Variants in SDS observed in about 807,000 individuals in gnomAD.
The protein encoded by SDS is serine dehydratase.
A neutral mutation model predicts 29.3 loss-of-function variants in SDS; 19 were observed. The ratio of observed to expected loss-of-function variants is 0.65; its 90% CI spans 0.45 to 0.95. The LOEUF is 0.95. SDS is among the 40% of genes least tolerant of loss of function. SDS has a pLI of 0.00. For missense variants in SDS, 375 were observed against 439.9 expected, an observed-to-expected ratio of 0.85 and a Z score of 1.32; for synonymous variants, 176 against 189.0, an observed-to-expected ratio of 0.93 and a Z score of 0.56.
At chr12:113,396,451 CTCTT>C (rs199848757) in intron 6 of SDS, among the ~76,000 whole-genome samples, 2,514 of 143,442 alleles carry the variant, frequency 0.018, 108 homozygotes, top group African/African-American at 0.061. Context: ...TTTTCTTTCT[CTCTT>C]TCTCTTTCTC....
chr12:113,403,252 C>T (rs553405353), intron 1 of SDS, among the ~76,000 whole-genome samples: 137 of 152,124 alleles, frequency 9.0e-4, no homozygotes, highest in Non-Finnish European at 1.6e-3. Context: ...TCAGCCTTCC[C>T]AGTAGCTGGG....
intron 7 of SDS, among the ~76,000 whole-genome samples, chr12:113,393,516 G>GCCCATCCCT (rs1290185335): frequency 9.2e-5 from 14 of 152,168 alleles, no homozygotes; most frequent in African/African-American, 3.4e-4. Flanking sequence ...CCCTGCCCTA[G>GCCCATCCCT]ACGGAACCCA....
intron 2 of SDS, 25 bp from the exon 3 acceptor site, chr12:113,399,176 T>C: frequency 6.2e-7 from 1 of 1,613,106 alleles, no homozygotes; most frequent in Non-Finnish European, 8.5e-7. Context: ...GGAGAGGCAC[T>C]CAGGCCCACC....
chr12:113,399,527 G>C, intron 2 of SDS, 29 bp downstream of exon 2: 1 of 1,520,850 alleles, frequency 6.6e-7, no homozygotes, highest in Non-Finnish European at 8.8e-7. Flanking sequence ...TGCCACCCCT[G>C]CCCAGATAAT....
Position 113,396,534 on chromosome 12 carries a change from C to T in SDS, c.653+631G>A, listed in dbSNP as rs1403192451. 5.2e-4 allele frequency: 55 copies of T among 105,572 alleles called. 2 individuals are homozygous for T. The highest frequency in any genetic ancestry group is 2.0e-3 in the African/African-American group (55 of 27,318). 6.5% of individuals were successfully genotyped at this position (105,572 alleles called of 1,614,324 possible). A position where few individuals can be genotyped will look rare whatever the true frequency, so the allele number is the denominator to read the frequency against. On this transcript the variant is annotated intron_variant, in intron 6 of 7. Transcript: ENST00000257549. ...CTTCCTTCCTTCTTTCCCTCCCTCC[C>T]TCCCTCTCTCCCTTCCTTCCTTCCT... is the stretch of plus-strand genomic sequence containing the variant.
Position 113,399,254 on chromosome 12 carries a change from G to T in SDS, c.154-103C>A. 8.0e-6 allele frequency: 10 copies of T among 1,250,786 alleles called. No individual in the cohort carries two copies. The South Asian group carries it at 1.0e-4, about 13-fold the overall frequency. The allele number at this position is 1,250,786 out of a possible 1,614,324, so 77.5% of individuals were successfully genotyped here. A position where few individuals can be genotyped will look rare whatever the true frequency, so the allele number is the denominator to read the frequency against. ...TGCCAGGATTCCAGTGGACACGGAC[G>T]TTTCCTTCACTCAGAATTTGTTCTA... is the stretch of plus-strand genomic sequence containing the variant. On this transcript the variant is annotated intron_variant, in intron 2 of 7. Coordinates refer to ENST00000257549, the MANE Select transcript of SDS (RefSeq NM_006843.3).
Position 113,402,882 on chromosome 12 carries a change from A to T in SDS, c.-3+886T>A, listed in dbSNP as rs567620689. Among the ~76,000 whole-genome samples, 3 of 152,254 alleles carry T rather than the reference A, an allele frequency of 2.0e-5. No homozygotes were observed. The South Asian group carries it at 6.2e-4, about 32-fold the overall frequency. ...AGGTTGTGCCCGGGGAGGAGGAGGG[A>T]GGGAGCCCTGAAGCCGCTGTCTGCC... On this transcript the variant is annotated intron_variant, in intron 1 of 7. Coordinates refer to ENST00000257549, the MANE Select transcript of SDS (RefSeq NM_006843.3).
intron 6 of SDS, among the ~76,000 whole-genome samples, chr12:113,396,475 TTC>T (rs1957645356): frequency 1.1e-5 from 1 of 87,200 alleles, no homozygotes; most frequent in Non-Finnish European, 2.3e-5. Context: ...CCTTTTTTCT[TTC>T]TTTCTCTCTC....
In SDS at chr12:113,392,885, AG is replaced by A; in HGVS notation, c.*55del. On this transcript the variant is annotated 3_prime_UTR_variant, in exon 8 of 8. Transcript: ENST00000257549. ...ACGACGAGGCGCTGGATAAAACTCC[AG>A]CCCCTCCAGGGGTCTCTTGGGCTAG... 1 of 1,525,802 alleles carries A rather than the reference AG, an allele frequency of 6.6e-7. No homozygotes were observed. Among genetic ancestry groups the A allele is most frequent in the Non-Finnish European group, 9.0e-7 (1 of 1,109,032 alleles). 94.5% of individuals were successfully genotyped at this position (1,525,802 alleles called of 1,614,324 possible). A position where few individuals can be genotyped will look rare whatever the true frequency, so the allele number is the denominator to read the frequency against.
At chr12:113,398,672 G>A (rs751136045) in intron 4 of SDS, 35 bp downstream of exon 4, 27 of 1,608,592 alleles carry the variant, frequency 1.7e-5, no homozygotes, top group African/African-American at 2.7e-5. Context: ...GCCACCAGGC[G>A]CCCTCTCTCT....
intron 6 of SDS, among the ~76,000 whole-genome samples, chr12:113,395,337 A>G (rs560686503): frequency 1.4e-4 from 21 of 152,196 alleles, no homozygotes; most frequent in Non-Finnish European, 3.1e-4. Context: ...TGACGTCTTC[A>G]GTCCCTACAG....
chr12:113,400,762 CTCTG>C (rs1184420687), intron 1 of SDS, among the ~76,000 whole-genome samples: 2 of 151,982 alleles, frequency 1.3e-5, no homozygotes, highest in Admixed American at 6.6e-5. Flanking sequence ...AGGGTGGGGC[CTCTG>C]AGGAGAGCTG....
Position 113,393,910 on chromosome 12 carries a change from C to A in SDS, c.760G>T (p.Ala254Ser), listed in dbSNP as rs763558202. The change falls in exon 7 of 8, where the codon GCC becomes TCC. Residue 254 changes from alanine to serine, a missense_variant. By Grantham distance (99) the Ala-to-Ser change is moderately conservative (BLOSUM62 1). Transcript: ENST00000257549. ...CACATACCCACGAACTTCTCAATGG[C>A]GGCCACAGCCTCCTGGTCCGAGATA... is the stretch of plus-strand genomic sequence containing the variant. ...EVISDQEAVA[A>S]IEKFVDDEKI... is the part of the protein sequence containing the mutation. 1 of 1,614,158 alleles carries A rather than the reference C, an allele frequency of 6.2e-7. No individual in the cohort carries two copies. Among genetic ancestry groups the A allele is most frequent in the South Asian group, 1.1e-5 (1 of 91,080 alleles).
chr12:113,394,580 T>C (rs547022066), intron 6 of SDS, among the ~76,000 whole-genome samples: 34 of 152,202 alleles, frequency 2.2e-4, no homozygotes, highest in African/African-American at 7.5e-4. Flanking sequence ...CCTTAGGTGA[T>C]CCACCCCCCT....
intron 1 of SDS, among the ~76,000 whole-genome samples, chr12:113,401,908 C>A (rs2136936875): frequency 6.6e-6 from 1 of 152,334 alleles, no homozygotes; most frequent in East Asian, 1.9e-4. Flanking sequence ...CCCCCTCCCT[C>A]CACCATCCCA....
chr12:113,395,781 C>CA (rs1166735546), intron 6 of SDS, among the ~76,000 whole-genome samples: 1 of 152,122 alleles, frequency 6.6e-6, no homozygotes, highest in Non-Finnish European at 1.5e-5. Flanking sequence ...TTATTTGGGC[C>CA]TTCTGTGTAA....
chr12:113,398,676 T>C, intron 4 of SDS, 31 bp downstream of exon 4: 1 of 1,609,708 alleles, frequency 6.2e-7, no homozygotes, highest in Non-Finnish European at 8.5e-7. Flanking sequence ...CCAGGCGCCC[T>C]CTCTCTTCCT....
At position 113,393,888 on chromosome 12, in the gene SDS, A is replaced by G. The variant is rs1465828073; in HGVS notation, c.778+4T>C. The G allele has an allele frequency of 3.7e-6, 6 of 1,614,112 alleles. No homozygotes were observed. The highest frequency in any genetic ancestry group is 1.1e-5 in the South Asian group (1 of 91,086). On this transcript the variant is annotated splice_donor_region_variant and intron_variant, in intron 7 of 7. Coordinates refer to ENST00000257549, the MANE Select transcript of SDS (RefSeq NM_006843.3). ...GTCAGGTCATGGGAGGACCTGGCAC[A>G]TACCCACGAACTTCTCAATGGCGGC... is the stretch of plus-strand genomic sequence containing the variant.
At position 113,392,601 on chromosome 12, in the gene SDS, C is replaced by T. The variant is rs765222330; in HGVS notation, c.*340G>A. On this transcript the variant is annotated 3_prime_UTR_variant, in exon 8 of 8. Coordinates refer to ENST00000257549, the MANE Select transcript of SDS (RefSeq NM_006843.3). ...CCTTCACTGGGAACAAGTTCAGGGG[C>T]GAGGTCACAGCTTTGAGGAATTCCT... 2.0e-5 allele frequency: 6 copies of T among 296,036 alleles called. No homozygotes were observed. The highest frequency in any genetic ancestry group is 3.7e-5 in the South Asian group (1 of 26,900). 18.3% of individuals were successfully genotyped at this position (296,036 alleles called of 1,614,324 possible).
Sources: gnomAD v4.1 joint callset for allele counts (sites outside exome capture counted in the v4.1 genomes callset) on GRCh38, gnomAD v4.1.1 for gene constraint, MANE v1.5 for transcripts, NCBI Gene and HGNC (gene_info 2026-07-23, HGNC 2026-07-21) for gene names.